The following SLC4A1AP variants were observed in gnomAD, a reference collection of about 807,000 sequenced individuals.
SLC4A1AP encodes kanadaptin.
A neutral mutation model predicts 89.7 loss-of-function variants in SLC4A1AP; 64 were observed. The ratio of observed to expected loss-of-function variants is 0.71; its 90% CI spans 0.58 to 0.88. SLC4A1AP has a LOEUF of 0.88. Among genes scored for constraint, SLC4A1AP ranks in the 40% least tolerant of loss-of-function variants. SLC4A1AP has a pLI of 0.00. For missense variants in SLC4A1AP, 931 were observed against 965.0 expected (o/e 0.96, Z 0.47); for synonymous variants, 366 against 353.3 (o/e 1.04, Z -0.40).
At chr2:27,688,010 A>G (rs138827705) in exon 11 of SLC4A1AP, 14 of 1,613,680 alleles carry the variant, frequency 8.7e-6, no homozygotes, top group Admixed American at 3.3e-5. Context: ...CATTGTGCGC[A>G]GGACCCTCAG....
intron 7 of SLC4A1AP, 116 bp downstream of exon 7, chr2:27,677,480 C>G (rs1426393812): frequency 6.7e-6 from 5 of 744,984 alleles, no homozygotes; most frequent in Non-Finnish European, 1.1e-5. Context: ...TTTAAAGGAG[C>G]AACATACCGT....
intron 5 of SLC4A1AP, among the ~76,000 whole-genome samples, chr2:27,670,207 AG>A (rs983934668): frequency 1.3e-5 from 2 of 151,864 alleles, no homozygotes; most frequent in African/African-American, 4.8e-5. Flanking sequence ...CGTGTTGACC[AG>A]GCTGGTCTCG....
At chr2:27,689,617 A>G (rs1203498985) in intron 12 of SLC4A1AP, among the ~76,000 whole-genome samples, 1 of 152,198 alleles carries the variant, frequency 6.6e-6, no homozygotes, top group African/African-American at 2.4e-5. Flanking sequence ...CTCAGTGCCC[A>G]GGGTTTTTAT....
At chr2:27,668,975 A>G in intron 4 of SLC4A1AP, 72 bp downstream of exon 4, 1 of 1,394,606 alleles carries the variant, frequency 7.2e-7, no homozygotes, top group Non-Finnish European at 1.0e-6. Context: ...GGTTATAGAT[A>G]ACAACCCAAA....
intron 8 of SLC4A1AP, among the ~76,000 whole-genome samples, chr2:27,679,630 A>G (rs546534501): frequency 6.6e-6 from 1 of 151,456 alleles, no homozygotes; most frequent in East Asian, 1.9e-4. Flanking sequence ...TGGTGTAGAT[A>G]TACAATAGAA....
chr2:27,665,784 A>G (rs1451017714), intron 2 of SLC4A1AP, among the ~76,000 whole-genome samples: 1 of 152,240 alleles, frequency 6.6e-6, no homozygotes, highest in Non-Finnish European at 1.5e-5. Flanking sequence ...CTTTAACACC[A>G]GATATTTTAG....
intron 5 of SLC4A1AP, 47 bp from the exon 6 acceptor site, chr2:27,675,485 T>C: frequency 1.4e-6 from 2 of 1,379,980 alleles, no homozygotes; most frequent in Non-Finnish European, 2.0e-6. Context: ...TTTCTTTTTC[T>C]TTTCTTTTTT....
At chr2:27,668,623 T>C (rs982931190) in intron 3 of SLC4A1AP, 1 of 681,494 alleles carries the variant, frequency 1.5e-6, no homozygotes, top group African/African-American at 1.8e-5. Context: ...CTAATTTCTG[T>C]ATTTTTTGTA....
rs140696526 is a variant in SLC4A1AP at position 27,664,097 on chromosome 2, G to A, written c.345G>A (p.Glu115=). 12 of 1,614,066 alleles carry A rather than the reference G, an allele frequency of 7.4e-6. No homozygotes were observed. The African/African-American group carries it at 1.5e-4, about 20-fold the overall frequency. ...CGTTGCAGGACTCCAATTCTGGGGA[G>A]CCCGACATCCCTCCTCCTCAGCCGG... Residue 115 remains glutamate (E), a synonymous_variant, in exon 1 of 14, where the codon GAG becomes GAA. Coordinates refer to ENST00000613058, the Ensembl canonical transcript of SLC4A1AP.
chr2:27,673,939 C>T (rs1675470956), intron 5 of SLC4A1AP, among the ~76,000 whole-genome samples: 1 of 151,744 alleles, frequency 6.6e-6, no homozygotes, highest in Non-Finnish European at 1.5e-5. Flanking sequence ...GTTCTGAAAC[C>T]ATAACTTAGT....
intron 8 of SLC4A1AP, among the ~76,000 whole-genome samples, chr2:27,679,015 G>T (rs1675571015): frequency 1.3e-5 from 2 of 152,024 alleles, no homozygotes; most frequent in Admixed American, 1.3e-4. Context: ...ACCACACCTG[G>T]TCTTAATAGC....
intron 5 of SLC4A1AP, among the ~76,000 whole-genome samples, chr2:27,674,226 C>A (rs934154311): frequency 6.6e-6 from 1 of 152,046 alleles, no homozygotes; most frequent in African/African-American, 2.4e-5. Context: ...TGGCTTTGGT[C>A]CTATGACTAT....
exon 1 of SLC4A1AP, chr2:27,664,309 C>T: frequency 6.2e-7 from 1 of 1,614,190 alleles, no homozygotes; most frequent in African/African-American, 1.3e-5. Flanking sequence ...TTGAAAGGGA[C>T]GAGTTACTGC....
chr2:27,677,640 C>T (rs1393093272), intron 7 of SLC4A1AP, 98 bp from the exon 8 acceptor site: 3 of 985,500 alleles, frequency 3.0e-6, no homozygotes, highest in Non-Finnish European at 3.0e-6. Flanking sequence ...TGTCCTCTGT[C>T]CGGTTTTATG....
intron 10 of SLC4A1AP, among the ~76,000 whole-genome samples, chr2:27,686,743 C>T (rs1169916488): frequency 6.6e-6 from 1 of 152,192 alleles, no homozygotes; most frequent in South Asian, 2.1e-4. Flanking sequence ...CACTGCTCTC[C>T]AGCCTGGGTG....
chr2:27,670,700 C>CA (rs113984931), intron 5 of SLC4A1AP, among the ~76,000 whole-genome samples: 110 of 142,704 alleles, frequency 7.7e-4, no homozygotes, highest in East Asian at 1.9e-3. Context: ...ACCAAAAATA[C>CA]AAAAAAAAAA....
At chr2:27,666,417 C>G (rs1459396380) in intron 2 of SLC4A1AP, among the ~76,000 whole-genome samples, 1 of 136,870 alleles carries the variant, frequency 7.3e-6, no homozygotes, top group Non-Finnish European at 1.5e-5. Flanking sequence ...CAGGCGTGAG[C>G]GATCGCACTC....
chr2:27,688,466 A>T (rs1290614617), intron 11 of SLC4A1AP, among the ~76,000 whole-genome samples: 1 of 152,180 alleles, frequency 6.6e-6, no homozygotes, highest in Non-Finnish European at 1.5e-5. Context: ...TGTTCGCATA[A>T]TGTGGTTATA....
chr2:27,664,950 A>T, intron 1 of SLC4A1AP, 150 bp from the exon 2 acceptor site: 1 of 576,654 alleles, frequency 1.7e-6, no homozygotes, highest in Non-Finnish European at 3.0e-6. Context: ...CCAGCTGCTC[A>T]GGAGGCTGAG....
Sources: gnomAD v4.1 joint callset for allele counts (sites outside exome capture counted in the v4.1 genomes callset) on GRCh38, gnomAD v4.1.1 for gene constraint, MANE v1.5 for transcripts, NCBI Gene and HGNC (gene_info 2026-07-23, HGNC 2026-07-21) for gene names.